MRPS9: variants seen among roughly 807,000 people sequenced by gnomAD.
MRPS9 encodes the protein mitochondrial ribosomal protein S9.
MRPS9 carries 45 observed loss-of-function variants against 59.9 expected under a neutral mutation model. The ratio of observed to expected loss-of-function variants is 0.75; its 90% confidence interval spans 0.59 to 0.96. MRPS9 has a LOEUF of 0.96. Ranked by LOEUF, MRPS9 falls within the 40% of genes least tolerant of loss-of-function variation. MRPS9 has a pLI of 0.00. For missense variants in MRPS9, 473 were observed against 481.1 expected (o/e 0.98, Z 0.16); for synonymous variants, 171 against 166.8 (o/e 1.03, Z -0.19).
intron 2 of MRPS9, among the ~76,000 whole-genome samples, chr2:105,050,744 A>C (rs1481524295): frequency 6.6e-6 from 1 of 152,232 alleles, no homozygotes; most frequent in African/African-American, 2.4e-5. Context: ...AGAGTGCAAC[A>C]GGAATAGAAT....
chr2:105,078,975 C>T (rs953574097), intron 4 of MRPS9, among the ~76,000 whole-genome samples: 1 of 152,034 alleles, frequency 6.6e-6, no homozygotes, highest in Non-Finnish European at 1.5e-5. Flanking sequence ...GGTTTGTGGC[C>T]CTCCAGTGGG....
At chr2:105,048,357 TG>T (rs917110705) in intron 1 of MRPS9, among the ~76,000 whole-genome samples, 5 of 150,146 alleles carry the variant, frequency 3.3e-5, no homozygotes, top group African/African-American at 7.5e-5. Context: ...TGTTGTGGGA[TG>T]GGGGGAGGGG....
intron 5 of MRPS9, among the ~76,000 whole-genome samples, chr2:105,086,508 T>G (rs757845375): frequency 2.6e-5 from 4 of 152,228 alleles, no homozygotes; most frequent in Non-Finnish European, 4.4e-5. Flanking sequence ...TACTTTGACT[T>G]AAAACTTACG....
At chr2:105,079,717 A>G (rs1680290213) in intron 4 of MRPS9, among the ~76,000 whole-genome samples, 1 of 152,186 alleles carries the variant, frequency 6.6e-6, no homozygotes. Flanking sequence ...TATTTGAAAC[A>G]ATACAGAAAT....
intron 2 of MRPS9, among the ~76,000 whole-genome samples, chr2:105,056,915 G>A (rs1189769429): frequency 6.6e-6 from 1 of 152,018 alleles, no homozygotes; most frequent in East Asian, 1.9e-4. Context: ...TCACTTAGAA[G>A]ATTTATCATT....
chr2:105,092,617 A>C (rs777405871), intron 8 of MRPS9, 48 bp downstream of exon 8: 1 of 1,388,404 alleles, frequency 7.2e-7, no homozygotes, highest in Non-Finnish European at 9.6e-7. Flanking sequence ...AGGTTGAAAA[A>C]CTACAATTAT....
intron 2 of MRPS9, among the ~76,000 whole-genome samples, chr2:105,060,849 C>G (rs113171074): frequency 6.6e-6 from 1 of 151,680 alleles, no homozygotes; most frequent in Non-Finnish European, 1.5e-5. Context: ...CGGTGGCTCA[C>G]GCCTGTAATC....
chr2:105,057,820 G>C (rs533723858), intron 2 of MRPS9, among the ~76,000 whole-genome samples: 95 of 152,296 alleles, frequency 6.2e-4, no homozygotes, highest in Non-Finnish European at 1.0e-3. Flanking sequence ...ATAAAGTTTA[G>C]TTGGGAGACC....
chr2:105,073,104 T>A (rs923588262), intron 4 of MRPS9, among the ~76,000 whole-genome samples: 6 of 152,072 alleles, frequency 3.9e-5, no homozygotes, highest in Non-Finnish European at 7.4e-5. Flanking sequence ...GATTTTTTTT[T>A]CTTCTTCTTC....
chr2:105,080,550 A>T (rs1221560756), intron 5 of MRPS9, among the ~76,000 whole-genome samples: 4 of 152,198 alleles, frequency 2.6e-5, no homozygotes. Context: ...ATTTTATTAC[A>T]GTTTGACTTC....
rs1026271014 is a variant in MRPS9 at position 105,038,160 on chromosome 2, G to T, written c.68G>T (p.Ser23Ile). ...SYRLLLWGRG[S>I]LARKQGLWKT... ...CGGCTTCTTCTCTGGGGTAGGGGTAGCCTCGCCCGGAAGCAAGGCCTCTGG... is the reference window on the plus strand; with the variant it reads ...CGGCTTCTTCTCTGGGGTAGGGGTATCCTCGCCCGGAAGCAAGGCCTCTGG... Residue 23 changes from serine (S) to isoleucine (I), a missense_variant, in exon 1 of 11, where the codon AGC (serine) becomes ATC (isoleucine). By Grantham distance (142) the Ser-to-Ile change is moderately radical (BLOSUM62 -2). Coordinates refer to ENST00000258455, the MANE Select transcript of MRPS9 (RefSeq NM_182640.3). The T allele has an allele frequency of 6.2e-6, 10 of 1,613,592 alleles. No homozygotes were observed. The highest frequency in any genetic ancestry group is 2.7e-5 in the African/African-American group (2 of 74,924).
chr2:105,047,871 T>A (rs534265425), intron 1 of MRPS9, among the ~76,000 whole-genome samples: 9 of 152,156 alleles, frequency 5.9e-5, no homozygotes, highest in African/African-American at 2.2e-4. Flanking sequence ...TTAAAAGATA[T>A]GCGAGCCCTT....
intron 8 of MRPS9, among the ~76,000 whole-genome samples, chr2:105,093,014 C>T (rs1210566840): frequency 1.3e-5 from 2 of 152,172 alleles, no homozygotes; most frequent in Admixed American, 6.5e-5. Context: ...CCAACTTTTA[C>T]GACTTGAACT....
intron 4 of MRPS9, among the ~76,000 whole-genome samples, chr2:105,071,718 A>C (rs978312725): frequency 2.6e-5 from 4 of 152,236 alleles, no homozygotes; most frequent in African/African-American, 9.6e-5. Context: ...TACCAATGTC[A>C]TACTAATTAT....
At chr2:105,094,431 T>G (rs1456798097) in intron 9 of MRPS9, among the ~76,000 whole-genome samples, 1 of 152,190 alleles carries the variant, frequency 6.6e-6, no homozygotes, top group African/African-American at 2.4e-5. Flanking sequence ...TATCCACGAG[T>G]AACAGAAGTT....
chr2:105,050,349 A>G (rs933149573), intron 2 of MRPS9, among the ~76,000 whole-genome samples: 1 of 152,160 alleles, frequency 6.6e-6, no homozygotes, highest in African/African-American at 2.4e-5. Flanking sequence ...CATGTTGGTC[A>G]GGCTGGTCTT....
chr2:105,093,113 G>T (rs1022639733), intron 8 of MRPS9, among the ~76,000 whole-genome samples: 1 of 151,868 alleles, frequency 6.6e-6, no homozygotes, highest in Non-Finnish European at 1.5e-5. Context: ...CCTTTCCTGA[G>T]TATTTTTTTA....
At position 105,097,211 on chromosome 2, in the gene MRPS9, C is replaced by A; in HGVS notation, c.986C>A (p.Thr329Asn). Residue 329 changes from threonine to asparagine, a missense_variant, in exon 10 of 11, where the codon ACC becomes AAC. Coordinates refer to ENST00000258455, the MANE Select transcript of MRPS9 (RefSeq NM_182640.3). ...FVDRLGKHDV[T>N]CTVSGGGRSA... ...GACCGGCTGGGAAAGCACGACGTGA[C>A]CTGCACAGTCTCAGGGGGCGGGAGG... is the stretch of plus-strand genomic sequence containing the variant. 6.2e-7 allele frequency: 1 copy of A among 1,610,170 alleles called. No individual in the cohort carries two copies.
chr2:105,082,215 T>C (rs964359113), intron 5 of MRPS9, among the ~76,000 whole-genome samples: 2 of 152,206 alleles, frequency 1.3e-5, no homozygotes, highest in African/African-American at 2.4e-5. Context: ...AAATGAATCC[T>C]TGTTGCTACC....
Sources: gnomAD v4.1 joint callset for allele counts (sites outside exome capture counted in the v4.1 genomes callset) on GRCh38, gnomAD v4.1.1 for gene constraint, MANE v1.5 for transcripts, NCBI Gene and HGNC (gene_info 2026-07-23, HGNC 2026-07-21) for gene names.